Variants in ZC2HC1B observed in about 807,000 individuals in gnomAD.
The protein encoded by ZC2HC1B is zinc finger C2HC domain-containing protein 1B.
A neutral mutation model predicts 31.0 loss-of-function variants in ZC2HC1B; 36 were observed. The observed-to-expected ratio is 1.16, with a 90% CI of 0.89 to 1.54. The LOEUF is 1.54. ZC2HC1B is among the 40% of genes most tolerant of loss of function. The probability of loss-of-function intolerance (pLI) is 0.00; values close to 1 mark genes in which losing one functional copy is unlikely to be tolerated. For synonymous variants in ZC2HC1B, 73 were observed against 88.0 expected, an observed-to-expected ratio of 0.83 and a Z score of 0.95; for missense variants, 260 against 268.6, an observed-to-expected ratio of 0.97 and a Z score of 0.22.
intron 4 of ZC2HC1B, among the ~76,000 whole-genome samples, chr6:143,897,342 C>T (rs951369879): frequency 6.6e-6 from 1 of 150,390 alleles, no homozygotes; most frequent in African/African-American, 2.5e-5. Flanking sequence ...TGAAACAAAA[C>T]AAAGCAAACA....
intron 5 of ZC2HC1B, among the ~76,000 whole-genome samples, chr6:143,900,149 G>C (rs187141244): frequency 2.6e-5 from 4 of 152,042 alleles, no homozygotes; most frequent in East Asian, 1.9e-4. Context: ...CAGCACTTTG[G>C]GGGGCTGAAG....
chr6:143,925,389 A>C (rs1278537534), intron 6 of ZC2HC1B, among the ~76,000 whole-genome samples: 3 of 151,178 alleles, frequency 2.0e-5, no homozygotes, highest in South Asian at 4.2e-4. Flanking sequence ...GTTAGCCAGG[A>C]TGGTCTCGAT....
At chr6:143,898,021 C>A (rs1777688933) in intron 4 of ZC2HC1B, among the ~76,000 whole-genome samples, 2 of 152,198 alleles carry the variant, frequency 1.3e-5, no homozygotes, top group African/African-American at 4.8e-5. Context: ...TTAAACATTT[C>A]AAGGACAGAC....
chr6:143,895,790 T>C lies in ZC2HC1B; in HGVS notation c.350-2762T>C, dbSNP rs994017694. On this transcript the variant is annotated intron_variant, in intron 4 of 7. Coordinates refer to ENST00000237275, the MANE Select transcript of ZC2HC1B (RefSeq NM_001013623.3). This position sits in a 1 kb window ranked among gnomAD's most constrained non-coding sequence, Gnocchi z 4.8. The stretch of plus-strand genomic sequence containing the variant: ...GCACAATATTGGCATTTTAAAATAA[T>C]GCTTGGTTTTCCACTTTTCTCTGAG... 2.0e-5 allele frequency among the ~76,000 whole-genome samples: 3 copies of C among 152,220 alleles called. No homozygotes were observed. Among genetic ancestry groups the C allele is most frequent in the Non-Finnish European group, 4.4e-5 (3 of 68,028 alleles).
At chr6:143,877,009 A>C (rs1314190366) in intron 1 of ZC2HC1B, among the ~76,000 whole-genome samples, 5 of 150,420 alleles carry the variant, frequency 3.3e-5, no homozygotes. Flanking sequence ...AATTCAGTCA[A>C]GTTGACACTC....
In ZC2HC1B at chr6:143,913,854, G is replaced by A. The variant is rs920777998; in HGVS notation, c.598+10702G>A. 4.6e-5 allele frequency among the ~76,000 whole-genome samples: 7 copies of A among 152,258 alleles called. No individual in the cohort carries two copies. The highest frequency in any genetic ancestry group is 2.1e-4 in the South Asian group (1 of 4,828). On this transcript the variant is annotated intron_variant, in intron 6 of 7. Coordinates refer to ENST00000237275, the MANE Select transcript of ZC2HC1B (RefSeq NM_001013623.3). This position sits in a 1 kb window ranked among gnomAD's most constrained non-coding sequence, Gnocchi z 5.7. ...GCCACCCTACTTTTCTTCATTCTCC[G>A]TGTATTGAGTTGTTTCCCTAATCAG...
rs1777935693 is a variant in ZC2HC1B at position 143,917,784 on chromosome 6, C to T, written c.598+14632C>T. Among the ~76,000 whole-genome samples the T allele has an allele frequency of 6.6e-6, 1 of 152,128 alleles. No homozygotes were observed. Among genetic ancestry groups the T allele is most frequent in the African/African-American group, 2.4e-5 (1 of 41,396 alleles). On this transcript the variant is annotated intron_variant, in intron 6 of 7. Transcript: ENST00000237275. The surrounding 1 kb of genome is among the most constrained non-coding windows in gnomAD (Gnocchi z 4.1). Reference sequence around the variant, plus strand: ...GTCCCAAGCATTTCAGATAAGGGATCCTTAATTTGTGCTTTGTATAGTAAA... The same window carrying T: ...GTCCCAAGCATTTCAGATAAGGGATTCTTAATTTGTGCTTTGTATAGTAAA...
Position 143,903,113 on chromosome 6 carries a change from A to T in ZC2HC1B, c.559A>T (p.Arg187Trp), listed in dbSNP as rs1294474790. The stretch of plus-strand genomic sequence containing the variant: ...TGCTGTGGGAGCTTTGCTGCAGAAC[A>T]GGGTCCTGGTGGCCACGAATGAAGT... ...TSAVGALLQN[R>W]VLVATNEVPT... Residue 187 changes from arginine (R) to tryptophan (W), a missense_variant, in exon 6 of 8, where the codon AGG becomes TGG. Arg to Trp is a moderately radical substitution (Grantham distance 101). Transcript: ENST00000237275. The surrounding 1 kb of genome is among the most constrained non-coding windows in gnomAD (Gnocchi z 4.3). 1.3e-6 allele frequency: 2 copies of T among 1,552,140 alleles called. No homozygotes were observed. The highest frequency in any genetic ancestry group is 1.7e-6 in the Non-Finnish European group (2 of 1,147,088).
chr6:143,879,194 T>C (rs1300711425), intron 1 of ZC2HC1B, among the ~76,000 whole-genome samples: 1 of 152,232 alleles, frequency 6.6e-6, no homozygotes, highest in Non-Finnish European at 1.5e-5. Flanking sequence ...TGGATGGTTC[T>C]CAGTTCTCCC....
chr6:143,934,497 G>A lies in ZC2HC1B; in HGVS notation c.599-3152G>A, dbSNP rs1341552617. Among the ~76,000 whole-genome samples, 1 of 152,176 alleles carries A rather than the reference G, an allele frequency of 6.6e-6. No homozygotes were observed. The highest frequency in any genetic ancestry group is 1.9e-4 in the East Asian group (1 of 5,194). On this transcript the variant is annotated intron_variant, in intron 6 of 7. Transcript: ENST00000237275. This position sits in a 1 kb window ranked among gnomAD's most constrained non-coding sequence, Gnocchi z 4.6. ...GCTGGAGAATTGTATTCCTTTGGAG[G>A]AGTCATATTTTCTTGCATTTTTATG...
At chr6:143,920,644 C>G (rs1777975804) in intron 6 of ZC2HC1B, among the ~76,000 whole-genome samples, 1 of 152,084 alleles carries the variant, frequency 6.6e-6, no homozygotes, top group Non-Finnish European at 1.5e-5. Context: ...GGCGTGGTGG[C>G]TCACACCTGT....
In ZC2HC1B at chr6:143,915,444, G is replaced by C. The variant is rs140107538; in HGVS notation, c.598+12292G>C. Among the ~76,000 whole-genome samples the C allele has an allele frequency of 5.1e-3, 776 of 152,330 alleles. 4 individuals carry two copies. Among genetic ancestry groups the C allele is most frequent in the African/African-American group, 0.017 (707 of 41,572 alleles). On this transcript the variant is annotated intron_variant, in intron 6 of 7. Coordinates refer to ENST00000237275, the MANE Select transcript of ZC2HC1B (RefSeq NM_001013623.3). This position sits in a 1 kb window ranked among gnomAD's most constrained non-coding sequence, Gnocchi z 5.2. ...CGAATACAGTAAATTGGTACCAGTA[G>C]AGTGGGGCGCTGCTGAAAAGATATC...
At chr6:143,881,544 C>G (rs1777467405) in intron 1 of ZC2HC1B, among the ~76,000 whole-genome samples, 1 of 114,670 alleles carries the variant, frequency 8.7e-6, no homozygotes, top group African/African-American at 3.7e-5. Context: ...GACCGAGACC[C>G]TGTCTCAAAA....
At chr6:143,925,418 G>T (rs117432124) in intron 6 of ZC2HC1B, among the ~76,000 whole-genome samples, 2 of 151,482 alleles carry the variant, frequency 1.3e-5, no homozygotes, top group Non-Finnish European at 2.9e-5. Flanking sequence ...TTCGTGATCC[G>T]CCTGCCTACG....
chr6:143,872,984 TAACTC>T lies in ZC2HC1B; in HGVS notation c.28+8419_28+8423del, dbSNP rs535386171. Among the ~76,000 whole-genome samples, 123 of 152,274 alleles carry T rather than the reference TAACTC, an allele frequency of 8.1e-4. 1 individual carries two copies. The highest frequency in any genetic ancestry group is 2.7e-3 in the African/African-American group (113 of 41,556). On this transcript the variant is annotated intron_variant, in intron 1 of 7. Transcript: ENST00000237275. The surrounding 1 kb of genome is among the most constrained non-coding windows in gnomAD (Gnocchi z 5.5). ...CCTCCCCAACAGTCTCCCAAAGTCT[TAACTC>T]ATTTCAGCATTAATCCAAAACTCCA...
At chr6:143,873,353 G>A (rs901200743) in intron 1 of ZC2HC1B, among the ~76,000 whole-genome samples, 1 of 152,190 alleles carries the variant, frequency 6.6e-6, no homozygotes, top group African/African-American at 2.4e-5. Flanking sequence ...GCTTTCATGG[G>A]TTGGTGTTGA....
chr6:143,864,619 A>G (rs1777234014), intron 1 of ZC2HC1B, 52 bp downstream of exon 1: 1 of 1,539,412 alleles, frequency 6.5e-7, no homozygotes, highest in Non-Finnish European at 8.8e-7. Flanking sequence ...ATCTGTAATC[A>G]TTCATTTATG....
chr6:143,930,356 T>G (rs980515641), intron 6 of ZC2HC1B, among the ~76,000 whole-genome samples: 1 of 151,220 alleles, frequency 6.6e-6, no homozygotes, highest in Admixed American at 6.6e-5. Flanking sequence ...TTAACTTTCA[T>G]GTATTTGTAT....
chr6:143,900,448 G>T lies in ZC2HC1B; in HGVS notation c.489+1757G>T, dbSNP rs115708566. ...AGAGGTACAGGGACAGGCAAGACAG[G>T]CAGACAGGCAGCCAGAACTAGAAGG... On this transcript the variant is annotated intron_variant, in intron 5 of 7. Transcript: ENST00000237275. Among the ~76,000 whole-genome samples, 69 of 151,960 alleles carry T rather than the reference G, an allele frequency of 4.5e-4. 1 individual carries two copies. Among genetic ancestry groups the T allele is most frequent in the African/African-American group, 1.6e-3 (68 of 41,450 alleles).
Sources: gnomAD v4.1 joint callset for allele counts (sites outside exome capture counted in the v4.1 genomes callset) on GRCh38, gnomAD v4.1.1 for gene constraint, Gnocchi (gnomAD v3.1) non-coding constraint, MANE v1.5 for transcripts, NCBI Gene and HGNC (gene_info 2026-07-23, HGNC 2026-07-21) for gene names.